The following SFMBT1 variants were observed in gnomAD, a reference collection of about 807,000 sequenced individuals.
SFMBT1 encodes the protein Scm like with four mbt domains 1, also known as scm-like with four MBT domains protein 1.
In SFMBT1, 32 loss-of-function variants were observed where a neutral mutation model predicts 108.7. That is an observed-to-expected ratio of 0.29 (90% CI 0.22 to 0.40). The LOEUF (loss-of-function observed/expected upper bound fraction) is 0.40. SFMBT1 is among the 10% of genes least tolerant of loss of function. SFMBT1 has a pLI of 1.00. For missense variants in SFMBT1, 816 were observed against 1,059.6 expected (o/e 0.77, Z 3.19); for synonymous variants, 348 against 369.5 (o/e 0.94, Z 0.67).
At position 52,934,834 on chromosome 3, in the gene SFMBT1, A is replaced by G; in HGVS notation, c.432T>C (p.Pro144=). Residue 144 remains proline, a synonymous_variant, in exon 5 of 21, where the codon CCT becomes CCC. Coordinates refer to ENST00000394752, the MANE Select transcript of SFMBT1 (RefSeq NM_016329.4). ...LRQTLIGACS[P]PVPLLEGLRN... is the part of the protein sequence containing the mutation. ...TCACGCCCTCTAGCAGCGGAACAGG[A>G]GGACTACATGCTCCTATCAGGGTCT... The G allele has an allele frequency of 6.2e-7, 1 of 1,613,612 alleles. No individual in the cohort carries two copies. Among genetic ancestry groups the G allele is most frequent in the African/African-American group, 1.3e-5 (1 of 75,014 alleles).
chr3:52,997,263 A>G (rs551373806), intron 1 of SFMBT1, among the ~76,000 whole-genome samples: 3 of 149,328 alleles, frequency 2.0e-5, no homozygotes, highest in African/African-American at 4.9e-5. Flanking sequence ...CGTTTTACCT[A>G]TTTATACAAT....
intron 1 of SFMBT1, among the ~76,000 whole-genome samples, chr3:53,011,813 T>C (rs528463070): frequency 5.9e-5 from 9 of 152,304 alleles, no homozygotes; most frequent in African/African-American, 2.2e-4. Context: ...TCTGTGGTAA[T>C]GAGAGTGGCC....
At chr3:52,986,080 T>G (rs1704901381) in intron 1 of SFMBT1, among the ~76,000 whole-genome samples, 1 of 150,062 alleles carries the variant, frequency 6.7e-6, no homozygotes, top group African/African-American at 2.5e-5. Flanking sequence ...GAGGTGGAGG[T>G]TGCAGTGAGC....
chr3:52,920,072 A>G (rs1702474961), intron 12 of SFMBT1, among the ~76,000 whole-genome samples: 1 of 152,222 alleles, frequency 6.6e-6, no homozygotes, highest in Non-Finnish European at 1.5e-5. Context: ...GGACCAGGAA[A>G]TGCACCCTCA....
rs933639172 is a variant in SFMBT1, at chr3:52,966,993, A to G, written c.28+2108T>C. On this transcript the variant is annotated intron_variant, in intron 2 of 20. Coordinates refer to ENST00000394752, the MANE Select transcript of SFMBT1 (RefSeq NM_016329.4). ...ACTATAATACCTAAAGTAACCACCA[A>G]TAAGTGCTACAAGAGGATATACTCA... 4.6e-5 allele frequency among the ~76,000 whole-genome samples: 7 copies of G among 151,296 alleles called. No homozygotes were observed. In the East Asian group the frequency reaches 7.7e-4, roughly 17 times the overall value.
intron 1 of SFMBT1, among the ~76,000 whole-genome samples, chr3:53,000,837 T>C (rs1698523394): frequency 6.7e-6 from 1 of 150,126 alleles, no homozygotes; most frequent in Non-Finnish European, 1.5e-5. Context: ...AGGGTATTAA[T>C]TACAAAAATT....
intron 1 of SFMBT1, among the ~76,000 whole-genome samples, chr3:53,039,696 G>T (rs1424419939): frequency 6.6e-6 from 1 of 152,108 alleles, no homozygotes; most frequent in Non-Finnish European, 1.5e-5. Flanking sequence ...GTGCAGTGAT[G>T]TCATCTCAGC....
intron 13 of SFMBT1, 102 bp from the exon 14 acceptor site, chr3:52,916,316 G>T: frequency 2.7e-5 from 23 of 865,384 alleles, no homozygotes; most frequent in Non-Finnish European, 3.2e-5. Flanking sequence ...AATGTGGCAT[G>T]TTCGCAAAAT....
At chr3:52,936,987 G>A (rs546480378) in intron 4 of SFMBT1, among the ~76,000 whole-genome samples, 31 of 147,932 alleles carry the variant, frequency 2.1e-4, no homozygotes, top group African/African-American at 6.5e-4. Context: ...GACTACAGGC[G>A]CCCGCCACCA....
chr3:52,949,413 T>A (rs761169664), intron 3 of SFMBT1, among the ~76,000 whole-genome samples: 1 of 152,112 alleles, frequency 6.6e-6, no homozygotes, highest in Non-Finnish European at 1.5e-5. Flanking sequence ...GGCGTTGAAT[T>A]TCCCGACTAA....
chr3:53,045,611 C>T (rs1205500789), intron 1 of SFMBT1, among the ~76,000 whole-genome samples: 1 of 141,658 alleles, frequency 7.1e-6, no homozygotes, highest in African/African-American at 2.5e-5. Flanking sequence ...CCGCGCTCCC[C>T]CCGCCCCGCC....
chr3:52,994,531 G>C (rs1484183938), intron 1 of SFMBT1, among the ~76,000 whole-genome samples: 2 of 150,280 alleles, frequency 1.3e-5, no homozygotes, highest in Non-Finnish European at 3.0e-5. Flanking sequence ...ACGGAGTCTC[G>C]CTCTGTGGCC....
chr3:52,975,380 TGATAA>T (rs1704483783), intron 1 of SFMBT1, among the ~76,000 whole-genome samples: 1 of 152,032 alleles, frequency 6.6e-6, no homozygotes, highest in African/African-American at 2.4e-5. Context: ...GTATTTGACT[TGATAA>T]GATAATTTTA....
intron 1 of SFMBT1, among the ~76,000 whole-genome samples, chr3:52,978,233 A>G (rs1306427377): frequency 1.3e-5 from 2 of 152,128 alleles, no homozygotes; most frequent in African/African-American, 4.8e-5. Context: ...TACAGAAGGA[A>G]AGAGCATGCC....
At position 53,034,098 on chromosome 3, in the gene SFMBT1, C is replaced by A. The variant is rs561895897; in HGVS notation, c.-131+11718G>T. The stretch of plus-strand genomic sequence containing the variant: ...AAAAAAAAAAAAAAAAAAAAAAAAT[C>A]AACAATTCCTTAATATCATCTATTA... On this transcript the variant is annotated intron_variant, in intron 1 of 20. Transcript: ENST00000394752. 0.012 allele frequency among the ~76,000 whole-genome samples: 1,699 copies of A among 138,704 alleles called. 107 individuals carry two copies. In the South Asian group the frequency reaches 0.18, roughly 15 times the overall value. 91.0% of individuals were successfully genotyped at this position (138,704 alleles called of 152,430 possible).
chr3:52,946,297 C>A (rs1478734796), intron 3 of SFMBT1, among the ~76,000 whole-genome samples: 1 of 152,216 alleles, frequency 6.6e-6, no homozygotes, highest in Non-Finnish European at 1.5e-5. Flanking sequence ...CAAGTGGAAT[C>A]CTGGAGACAG....
intron 1 of SFMBT1, among the ~76,000 whole-genome samples, chr3:53,043,601 A>T (rs936339272): frequency 4.6e-5 from 7 of 152,238 alleles, no homozygotes; most frequent in Non-Finnish European, 1.0e-4. Context: ...GTTGTCTACA[A>T]ATATATAGTA....
At chr3:52,954,161 G>A (rs1390309982) in intron 3 of SFMBT1, among the ~76,000 whole-genome samples, 156 bp downstream of exon 3, 1 of 151,968 alleles carries the variant, frequency 6.6e-6, no homozygotes. Context: ...AAAGAATATG[G>A]CAAGTGTTCT....
rs185405333 is a variant in SFMBT1, at chr3:52,944,419, A to G, written c.124-826T>C. On this transcript the variant is annotated intron_variant, in intron 3 of 20. Coordinates refer to ENST00000394752, the MANE Select transcript of SFMBT1 (RefSeq NM_016329.4). ...ACGAATAATAGAGATGGAGACAACC[A>G]TACACATGTATTTCCCAACTCTGTG... Among the ~76,000 whole-genome samples, 231 of 152,352 alleles carry G rather than the reference A, an allele frequency of 1.5e-3. 1 individual carries two copies. The highest frequency in any genetic ancestry group is 5.4e-3 in the African/African-American group (226 of 41,576).
Sources: allele counts gnomAD v4.1 joint callset (sites outside exome capture counted in the v4.1 genomes callset), GRCh38; gene constraint gnomAD v4.1.1; transcripts MANE v1.5; gene names NCBI Gene and HGNC (gene_info 2026-07-23, HGNC 2026-07-21).